The following TRHDE variants were observed in gnomAD, a reference collection of about 807,000 sequenced individuals.
TRHDE encodes thyrotropin releasing hormone degrading enzyme, also known as thyrotropin-releasing hormone-degrading ectoenzyme.
In TRHDE, 72 loss-of-function variants were observed where a neutral mutation model predicts 125.7. The ratio of observed to expected loss-of-function variants is 0.57; its 90% CI spans 0.47 to 0.70. TRHDE has a LOEUF of 0.70. Ranked by LOEUF, TRHDE falls within the 30% of genes least tolerant of loss-of-function variation. TRHDE has a pLI of 0.00. For missense variants in TRHDE, 1,110 were observed against 1,327.1 expected (o/e 0.84, Z 2.54); for synonymous variants, 509 against 509.1 (o/e 1.00, Z 0.00).
chr12:72,304,478 G>A (rs935612705), intron 2 of TRHDE, among the ~76,000 whole-genome samples: 2 of 152,074 alleles, frequency 1.3e-5, no homozygotes, highest in African/African-American at 4.8e-5. Context: ...GAGTGATCCC[G>A]CCAGGGCAAG....
At chr12:72,189,972 A>G (rs1223504651) in intron 2 of TRHDE, among the ~76,000 whole-genome samples, 1 of 152,126 alleles carries the variant, frequency 6.6e-6, no homozygotes, top group Non-Finnish European at 1.5e-5. Context: ...TAGGTACTAC[A>G]CGCATCCAAA....
At chr12:72,340,431 A>G (rs1200691210) in intron 2 of TRHDE, among the ~76,000 whole-genome samples, 2 of 152,190 alleles carry the variant, frequency 1.3e-5, no homozygotes, top group Admixed American at 1.3e-4. Flanking sequence ...GTTTGCTATG[A>G]GGAACTGTTT....
chr12:72,400,921 T>C (rs953209787), intron 3 of TRHDE, among the ~76,000 whole-genome samples: 1 of 152,178 alleles, frequency 6.6e-6, no homozygotes, highest in Non-Finnish European at 1.5e-5. Flanking sequence ...CTTGGGTTAC[T>C]ATATTTTATA....
chr12:72,153,573 C>T (rs1241988202), intron 2 of TRHDE, among the ~76,000 whole-genome samples: 3 of 152,162 alleles, frequency 2.0e-5, no homozygotes, highest in African/African-American at 4.8e-5. Context: ...TTGAATGTGT[C>T]CCAGAGATTC....
intron 5 of TRHDE, among the ~76,000 whole-genome samples, chr12:72,480,641 G>A (rs1877125391): frequency 1.3e-5 from 2 of 152,078 alleles, no homozygotes; most frequent in South Asian, 4.1e-4. Context: ...AGCATTAGAT[G>A]CTTTCTAAGA....
intron 2 of TRHDE, among the ~76,000 whole-genome samples, chr12:72,367,148 A>G (rs930217690): frequency 2.6e-5 from 4 of 152,098 alleles, no homozygotes; most frequent in South Asian, 2.1e-4. Context: ...TTCTTCGACT[A>G]TGGTGATGGA....
intron 9 of TRHDE, among the ~76,000 whole-genome samples, chr12:72,567,033 C>T (rs146429088): frequency 1.2e-4 from 18 of 151,950 alleles, no homozygotes; most frequent in African/African-American, 4.3e-4. Context: ...TCCAATTAAC[C>T]AAGAGAGACC....
chr12:72,148,669 C>A (rs1876284104), intron 2 of TRHDE, among the ~76,000 whole-genome samples: 1 of 152,202 alleles, frequency 6.6e-6, no homozygotes, highest in Admixed American at 6.5e-5. Flanking sequence ...GGTTAAGTGT[C>A]ATAAAACAAT....
chr12:72,221,732 GA>G (rs1373816926), intron 2 of TRHDE, among the ~76,000 whole-genome samples: 1 of 151,764 alleles, frequency 6.6e-6, no homozygotes, highest in Non-Finnish European at 1.5e-5. Flanking sequence ...AATATTTGGG[GA>G]AAAAAACCAA....
At chr12:72,153,347 G>T (rs943275085) in intron 2 of TRHDE, among the ~76,000 whole-genome samples, 3 of 152,106 alleles carry the variant, frequency 2.0e-5, no homozygotes, top group Non-Finnish European at 4.4e-5. Flanking sequence ...CAAAAAACCA[G>T]CTCCTGGATT....
chr12:72,638,715 C>G (rs1430770282), intron 15 of TRHDE, among the ~76,000 whole-genome samples: 1 of 151,840 alleles, frequency 6.6e-6, no homozygotes, highest in Non-Finnish European at 1.5e-5. Flanking sequence ...GACAAAATCT[C>G]TCAGCATTTG....
At chr12:72,560,323 A>G (rs1870118528) in intron 7 of TRHDE, among the ~76,000 whole-genome samples, 1 of 152,198 alleles carries the variant, frequency 6.6e-6, no homozygotes, top group Non-Finnish European at 1.5e-5. Context: ...GAGGGAAGAA[A>G]TAGTTCAAAC....
chr12:72,333,677 A>T (rs1380290094), intron 2 of TRHDE, among the ~76,000 whole-genome samples: 2 of 152,234 alleles, frequency 1.3e-5, no homozygotes, highest in Non-Finnish European at 2.9e-5. Context: ...CCCATGTGGC[A>T]TGAATACACT....
intron 12 of TRHDE, among the ~76,000 whole-genome samples, chr12:72,612,812 C>G (rs1457887144): frequency 6.6e-6 from 1 of 152,102 alleles, no homozygotes; most frequent in African/African-American, 2.4e-5. Context: ...GACCAAATAA[C>G]TGACATCTAT....
chr12:72,594,956 CTTTGTAGGGACATGGATGAAA>C (rs1259767379), intron 12 of TRHDE, among the ~76,000 whole-genome samples: 2 of 151,732 alleles, frequency 1.3e-5, no homozygotes, highest in Non-Finnish European at 2.9e-5. Context: ...AGTTCATGTC[CTTTGTAGGGACATGGATGAAA>C]TTGGAAATCA....
At chr12:72,503,980 C>A (rs1402769585) in intron 6 of TRHDE, among the ~76,000 whole-genome samples, 3 of 152,096 alleles carry the variant, frequency 2.0e-5, no homozygotes, top group Non-Finnish European at 4.4e-5. Flanking sequence ...AGTGGGTAGG[C>A]CCCCTGGGAT....
chr12:72,416,126 T>C (rs185256721), intron 3 of TRHDE, among the ~76,000 whole-genome samples: 16 of 152,300 alleles, frequency 1.1e-4, no homozygotes, highest in African/African-American at 3.4e-4. Context: ...GTGGTTTTAA[T>C]TTGCATTTCT....
At chr12:72,584,292 T>C (rs1871357281) in intron 12 of TRHDE, among the ~76,000 whole-genome samples, 2 of 152,162 alleles carry the variant, frequency 1.3e-5, no homozygotes, top group South Asian at 4.1e-4. Context: ...ATTGACATAA[T>C]ATTTTATGTA....
At chr12:72,458,118 G>A (rs552098432) in intron 3 of TRHDE, among the ~76,000 whole-genome samples, 11 of 152,144 alleles carry the variant, frequency 7.2e-5, no homozygotes, top group Admixed American at 3.3e-4. Flanking sequence ...CCCTTCAGGT[G>A]ATGGTGCTAA....
Sources: allele counts gnomAD v4.1 joint callset (sites outside exome capture counted in the v4.1 genomes callset), GRCh38; gene constraint gnomAD v4.1.1; transcripts MANE v1.5; gene names NCBI Gene and HGNC (gene_info 2026-07-23, HGNC 2026-07-21).